Variants in LHFPL2 observed in about 807,000 individuals in gnomAD.
LHFPL2 encodes the protein LHFPL tetraspan subfamily member 2, also known as LHFPL tetraspan subfamily member 2 protein.
Under a neutral mutation model 17.5 loss-of-function variants are expected in LHFPL2, and 7 were observed. The observed-to-expected ratio is 0.40, with a 90% CI of 0.23 to 0.75. LHFPL2 has a LOEUF of 0.75. Ranked by LOEUF, LHFPL2 falls within the 30% of genes least tolerant of loss-of-function variation. LHFPL2 has a pLI of 0.37. For missense variants in LHFPL2, 241 were observed against 294.8 expected (o/e 0.82, Z 1.34); for synonymous variants, 134 against 116.2 (o/e 1.15, Z -0.99).
intron 4 of LHFPL2, among the ~76,000 whole-genome samples, chr5:78,501,827 A>G (rs2112306781): frequency 6.6e-6 from 1 of 152,348 alleles, no homozygotes; most frequent in East Asian, 1.9e-4. Flanking sequence ...ACTAGAAGTC[A>G]AAGGGTTTCC....
chr5:78,527,880 A>G (rs1465101648), intron 3 of LHFPL2, among the ~76,000 whole-genome samples: 1 of 152,002 alleles, frequency 6.6e-6, no homozygotes, highest in African/African-American at 2.4e-5. Context: ...AGTCAGCAAC[A>G]CCTCTCGTTC....
intron 3 of LHFPL2, among the ~76,000 whole-genome samples, chr5:78,538,453 T>C (rs1756013486): frequency 6.6e-6 from 1 of 152,220 alleles, no homozygotes; most frequent in African/African-American, 2.4e-5. Context: ...TGGGCCCACA[T>C]GTCAACGTGA....
intron 2 of LHFPL2, among the ~76,000 whole-genome samples, chr5:78,628,659 T>G (rs573403462): frequency 1.3e-5 from 2 of 152,298 alleles, no homozygotes; most frequent in Non-Finnish European, 2.9e-5. Flanking sequence ...ACCAGCACCT[T>G]GGGAGGGCTG....
intron 3 of LHFPL2, among the ~76,000 whole-genome samples, chr5:78,520,842 G>A (rs151099433): frequency 3.3e-5 from 5 of 152,274 alleles, no homozygotes; most frequent in South Asian, 2.1e-4. Flanking sequence ...CCCCTGCCCC[G>A]GGCCGCAGAG....
At chr5:78,640,352 G>A (rs2112526829) in intron 1 of LHFPL2, among the ~76,000 whole-genome samples, 1 of 152,306 alleles carries the variant, frequency 6.6e-6, no homozygotes, top group East Asian at 1.9e-4. Context: ...TATAAGGGGT[G>A]GGGTCTTCCC....
intron 3 of LHFPL2, among the ~76,000 whole-genome samples, chr5:78,521,461 T>G (rs1388850909): frequency 6.6e-6 from 1 of 152,264 alleles, no homozygotes; most frequent in East Asian, 1.9e-4. Context: ...GCTACTGAGA[T>G]GACATTAATT....
At chr5:78,634,894 A>G (rs892742600) in intron 1 of LHFPL2, among the ~76,000 whole-genome samples, 1 of 152,204 alleles carries the variant, frequency 6.6e-6, no homozygotes, top group African/African-American at 2.4e-5. Context: ...GAATGGAATC[A>G]TTTTTTGTGT....
At chr5:78,613,957 C>T (rs929125239) in intron 2 of LHFPL2, among the ~76,000 whole-genome samples, 2 of 152,176 alleles carry the variant, frequency 1.3e-5, no homozygotes, top group South Asian at 4.1e-4. Context: ...CCCTGGTCAA[C>T]ATACTCCCTG....
chr5:78,501,429 C>T (rs560005106), intron 4 of LHFPL2, among the ~76,000 whole-genome samples: 13 of 152,214 alleles, frequency 8.5e-5, no homozygotes, highest in Admixed American at 1.3e-4. Flanking sequence ...GGCCCTTCTG[C>T]GGGGTAAGAG....
chr5:78,634,311 C>T (rs1027408026), intron 1 of LHFPL2, among the ~76,000 whole-genome samples: 6 of 152,176 alleles, frequency 3.9e-5, no homozygotes, highest in East Asian at 1.9e-4. Context: ...CCAATGCCAC[C>T]GTGAGGGTGG....
chr5:78,570,468 A>G (rs1030741325), intron 2 of LHFPL2, among the ~76,000 whole-genome samples: 1 of 151,950 alleles, frequency 6.6e-6, no homozygotes, highest in African/African-American at 2.4e-5. Flanking sequence ...GTCTGGACCC[A>G]CCTCTGTGAA....
chr5:78,638,359 A>T (rs1262004436), intron 1 of LHFPL2, among the ~76,000 whole-genome samples: 1 of 152,180 alleles, frequency 6.6e-6, no homozygotes, highest in African/African-American at 2.4e-5. Flanking sequence ...GTCTCAAATA[A>T]TAATAACAAT....
chr5:78,487,894 A>G lies in LHFPL2; in HGVS notation c.*1003T>C, dbSNP rs1754300529. On this transcript the variant is annotated 3_prime_UTR_variant, in exon 5 of 5. Transcript: ENST00000380345. ...TAGCTTCTTTTTGTTGTAGAATGCCATTCTGCTACTGTCGGGATTGGAAAT... is the reference window on the plus strand; with the variant it reads ...TAGCTTCTTTTTGTTGTAGAATGCCGTTCTGCTACTGTCGGGATTGGAAAT... 1 of 152,200 alleles carries G rather than the reference A, an allele frequency of 6.6e-6. No individual in the cohort carries two copies. The highest frequency in any genetic ancestry group is 1.5e-5 in the Non-Finnish European group (1 of 68,028). The allele number at this position is 152,200 out of a possible 1,614,324, so 9.4% of individuals were successfully genotyped here.
intron 2 of LHFPL2, among the ~76,000 whole-genome samples, chr5:78,576,145 A>G (rs956013939): frequency 6.6e-6 from 1 of 152,066 alleles, no homozygotes; most frequent in East Asian, 1.9e-4. Flanking sequence ...AAAACAAAAA[A>G]TTCTCCGGGC....
At chr5:78,535,783 C>A (rs1029563183) in intron 3 of LHFPL2, among the ~76,000 whole-genome samples, 2 of 152,224 alleles carry the variant, frequency 1.3e-5, no homozygotes, top group Admixed American at 1.3e-4. Context: ...TGGGGAAGGG[C>A]AGGCTGTGGC....
chr5:78,606,238 T>C lies in LHFPL2; in HGVS notation c.-245+26026A>G, dbSNP rs182147062. 5.9e-5 allele frequency among the ~76,000 whole-genome samples: 9 copies of C among 152,348 alleles called. 1 individual carries two copies. Among genetic ancestry groups the C allele is most frequent in the African/African-American group, 1.9e-4 (8 of 41,568 alleles). ...GTCTAGGGCCTCTATATTTGAAATTTTGTATTGCACCTTTACTTTCCCAAT... is the reference window on the plus strand; with the variant it reads ...GTCTAGGGCCTCTATATTTGAAATTCTGTATTGCACCTTTACTTTCCCAAT... On this transcript the variant is annotated intron_variant, in intron 2 of 4. Coordinates refer to ENST00000380345, the MANE Select transcript of LHFPL2 (RefSeq NM_005779.3).
rs71613971 is a variant in LHFPL2 at position 78,578,618 on chromosome 5, C to G, written c.-244-13747G>C. ...ACACACACACACACACACACACACA[C>G]ACAGAGACAGGTCATATGTATTTCA... On this transcript the variant is annotated intron_variant, in intron 2 of 4. Transcript: ENST00000380345. Among the ~76,000 whole-genome samples, 538 of 131,546 alleles carry G rather than the reference C, an allele frequency of 4.1e-3. 3 individuals are homozygous for G. Among genetic ancestry groups the G allele is most frequent in the African/African-American group, 0.013 (469 of 35,244 alleles). 86.3% of individuals were successfully genotyped at this position (131,546 alleles called of 152,430 possible). A position where few individuals can be genotyped will look rare whatever the true frequency, so the allele number is the denominator to read the frequency against.
At chr5:78,625,231 A>ACC (rs1744992453) in intron 2 of LHFPL2, 1 of 142,740 alleles carries the variant, frequency 7.0e-6, no homozygotes, top group Non-Finnish European at 1.5e-5. Context: ...ACACACACAC[A>ACC]CCCCTCTACA....
intron 3 of LHFPL2, among the ~76,000 whole-genome samples, chr5:78,547,784 C>T (rs560540899): frequency 1.3e-5 from 2 of 152,340 alleles, no homozygotes; most frequent in Admixed American, 6.5e-5. Context: ...GGTTTAACTG[C>T]CGCTCAGCGG....
Sources: gnomAD v4.1 joint callset for allele counts (sites outside exome capture counted in the v4.1 genomes callset) on GRCh38, gnomAD v4.1.1 for gene constraint, MANE v1.5 for transcripts, NCBI Gene and HGNC (gene_info 2026-07-23, HGNC 2026-07-21) for gene names.